Variants in TENT4A observed in about 807,000 individuals in gnomAD.
TENT4A encodes the protein DNA polymerase kappa.
Under a neutral mutation model 72.8 loss-of-function variants are expected in TENT4A, and 7 were observed. That is an observed-to-expected ratio of 0.10 (90% confidence interval 0.05 to 0.18). The LOEUF is 0.18. Among genes scored for constraint, TENT4A ranks in the 10% least tolerant of loss-of-function variants. The pLI is 1.00. For missense variants in TENT4A, 831 were observed against 1,017.7 expected (o/e 0.82, Z 2.50); for synonymous variants, 456 against 434.3 (o/e 1.05, Z -0.62).
At chr5:6,753,964 C>T (rs974645665) in intron 12 of TENT4A, among the ~76,000 whole-genome samples, 5 of 152,344 alleles carry the variant, frequency 3.3e-5, no homozygotes, top group African/African-American at 1.2e-4. Flanking sequence ...TGAGACTTTC[C>T]TGAAGCCGGC....
At position 6,743,693 on chromosome 5, in the gene TENT4A, T is replaced by C. The variant is rs758072573; in HGVS notation, c.1117-19T>C. 3.2e-6 allele frequency: 5 copies of C among 1,578,660 alleles called. No homozygotes were observed. Among genetic ancestry groups the C allele is most frequent in the East Asian group, 2.2e-5 (1 of 44,624 alleles). On this transcript the variant is annotated intron_variant, in intron 5 of 12. Coordinates refer to ENST00000230859, the MANE Select transcript of TENT4A (RefSeq NM_006999.6). ...GTATGGTAATTACTCAGTAAATCTT[T>C]TTCTTTTGGAATTTACAGAAATATT...
At chr5:6,746,096 G>A (rs180971905) in intron 6 of TENT4A, 118 bp from the exon 7 acceptor site, 5 of 1,552,174 alleles carry the variant, frequency 3.2e-6, no homozygotes, top group African/African-American at 2.8e-5. Context: ...GTGAGTGAGC[G>A]AGTGCCACTC....
chr5:6,737,362 G>C, intron 1 of TENT4A, 148 bp from the exon 2 acceptor site: 1 of 685,398 alleles, frequency 1.5e-6, no homozygotes, highest in Non-Finnish European at 2.4e-6. Context: ...GTTGAGCACA[G>C]AGTTTTCATT....
intron 1 of TENT4A, among the ~76,000 whole-genome samples, chr5:6,728,387 C>T (rs549989670): frequency 2.6e-5 from 4 of 152,362 alleles, no homozygotes; most frequent in African/African-American, 7.2e-5. Context: ...CCTCTGAGAG[C>T]TGGCATGATG....
chr5:6,754,770 T>C lies in TENT4A; in HGVS notation c.2204T>C (p.Leu735Pro). Residue 735 changes from leucine (L) to proline (P), a missense_variant, in exon 13 of 13, where the codon CTG becomes CCG. Transcript: ENST00000230859. The part of the protein sequence containing the change: ...LYHKQHNGMK[L>P]SMKGSHGHTQ... Reference sequence around the variant, plus strand: ...CTCCAGCAGCACAACGGCATGAAACTGTCCATGAAGGGCTCTCACGGCCAC... The same window carrying C: ...CTCCAGCAGCACAACGGCATGAAACCGTCCATGAAGGGCTCTCACGGCCAC... The C allele has an allele frequency of 6.3e-7, 1 of 1,584,126 alleles. No homozygotes were observed. The highest frequency in any genetic ancestry group is 1.1e-5 in the South Asian group (1 of 89,128).
intron 5 of TENT4A, 21 bp downstream of exon 5, chr5:6,742,618 G>T: frequency 6.8e-7 from 1 of 1,473,400 alleles, no homozygotes; most frequent in Non-Finnish European, 9.5e-7. Flanking sequence ...TGGTGACCCA[G>T]CGCGGCGAGA....
chr5:6,732,075 A>G (rs967982520), intron 1 of TENT4A, among the ~76,000 whole-genome samples: 3 of 152,192 alleles, frequency 2.0e-5, no homozygotes, highest in Non-Finnish European at 4.4e-5. Context: ...CAAAGAAGTC[A>G]CCTTTGAACA....
intron 1 of TENT4A, 29 bp downstream of exon 1, chr5:6,714,728 G>GGGGCGGGGCCCATGGTCCT: frequency 1.1e-6 from 1 of 900,444 alleles, no homozygotes; most frequent in Non-Finnish European, 1.4e-6. Flanking sequence ...CGCGGGGGCG[G>GGGGCGGGGCCCATGGTCCT]GGGCGGGGCC....
intron 2 of TENT4A, among the ~76,000 whole-genome samples, 180 bp from the exon 3 acceptor site, chr5:6,738,503 A>T (rs945315883): frequency 6.6e-6 from 1 of 152,060 alleles, no homozygotes; most frequent in African/African-American, 2.4e-5. Context: ...TTTTTTGGGC[A>T]TGTCTTTAAC....
intron 1 of TENT4A, among the ~76,000 whole-genome samples, chr5:6,732,223 T>C (rs1741251089): frequency 6.6e-6 from 1 of 152,198 alleles, no homozygotes; most frequent in Non-Finnish European, 1.5e-5. Flanking sequence ...CTTCACCTCT[T>C]TGGCCCCAGC....
At chr5:6,726,876 A>AGCGTG (rs1013165817) in intron 1 of TENT4A, among the ~76,000 whole-genome samples, 1 of 152,098 alleles carries the variant, frequency 6.6e-6, no homozygotes, top group African/African-American at 2.4e-5. Context: ...GGTCGGCCTT[A>AGCGTG]GCGTGGCGGG....
chr5:6,746,866 T>A (rs1368165282), intron 7 of TENT4A, among the ~76,000 whole-genome samples: 1 of 152,218 alleles, frequency 6.6e-6, no homozygotes, highest in Non-Finnish European at 1.5e-5. Context: ...GTTTGTCACT[T>A]GGCTTTTGAC....
intron 1 of TENT4A, 130 bp downstream of exon 1, chr5:6,714,829 G>A (rs760754068): frequency 2.5e-6 from 1 of 395,330 alleles, no homozygotes; most frequent in Non-Finnish European, 4.0e-6. Flanking sequence ...GCCAAGGCCC[G>A]ACTCTGCACT....
chr5:6,729,102 G>A (rs1026622855), intron 1 of TENT4A, among the ~76,000 whole-genome samples: 2 of 152,126 alleles, frequency 1.3e-5, no homozygotes, highest in Non-Finnish European at 2.9e-5. Flanking sequence ...CACTCTTTAG[G>A]AAAGGACTGG....
chr5:6,754,907 C>A lies in TENT4A; in HGVS notation c.2341C>A (p.His781Asn). 1 of 1,602,490 alleles carries A rather than the reference C, an allele frequency of 6.2e-7. No individual in the cohort carries two copies. ...CGGCTGGAGGAGGAAAAAACACACA[C>A]ACACACGGGACAGTCTGCCCGTGAG... is the stretch of plus-strand genomic sequence containing the variant. ...RTGWRRKKHTHTRDSLPVSLS... is the reference protein window; with the variant it reads ...RTGWRRKKHTNTRDSLPVSLS... Residue 781 changes from histidine to asparagine, a missense_variant, in exon 13 of 13, where the codon CAC becomes AAC. Physicochemically the swap from His to Asn is moderately conservative, Grantham distance 68. This residue lies in a region of TENT4A where 332 missense variants were observed against 324.3 expected (regional missense o/e 1.02). Transcript: ENST00000230859.
chr5:6,737,419 ATGTT>A (rs1367016711), intron 1 of TENT4A, 87 bp from the exon 2 acceptor site: 1 of 1,188,552 alleles, frequency 8.4e-7, no homozygotes, highest in Non-Finnish European at 1.2e-6. Flanking sequence ...GGCCAGAAAT[ATGTT>A]TGAGCGTCAT....
At chr5:6,746,932 A>G (rs1342109579) in intron 7 of TENT4A, among the ~76,000 whole-genome samples, 7 of 152,252 alleles carry the variant, frequency 4.6e-5, no homozygotes, top group East Asian at 3.9e-4. Context: ...TGTCGTGAGG[A>G]TTGCCGCATT....
rs375320330 is a variant in TENT4A, at chr5:6,755,052, C to A, written c.*107C>A. The A allele has an allele frequency of 4.2e-6, 4 of 944,168 alleles. No homozygotes were observed. The highest frequency in any genetic ancestry group is 6.0e-6 in the Non-Finnish European group (4 of 663,008). 58.5% of individuals were successfully genotyped at this position (944,168 alleles called of 1,614,324 possible). On this transcript the variant is annotated 3_prime_UTR_variant, in exon 13 of 13. Coordinates refer to ENST00000230859, the MANE Select transcript of TENT4A (RefSeq NM_006999.6). ...GCACCCCGCACGTCAGCCGGGCTCG[C>A]GGCACGCCCGCCGCTGATCACTCTG...
At chr5:6,749,837 C>T (rs1742298803) in intron 9 of TENT4A, among the ~76,000 whole-genome samples, 180 bp downstream of exon 9, 1 of 152,164 alleles carries the variant, frequency 6.6e-6, no homozygotes, top group Non-Finnish European at 1.5e-5. Context: ...CAATATAATG[C>T]ATGCCACACA....
Sources: gnomAD v4.1 joint callset for allele counts (sites outside exome capture counted in the v4.1 genomes callset) on GRCh38, gnomAD v4.1.1 for gene constraint, gnomAD v4.1.1 regional missense constraint, MANE v1.5 for transcripts, NCBI Gene and HGNC (gene_info 2026-07-23, HGNC 2026-07-21) for gene names.